The following SF3B3 variants were observed in gnomAD, a reference collection of about 807,000 sequenced individuals.
SF3B3 encodes splicing factor 3b subunit 3, also known as SAP 130.
In SF3B3, 33 loss-of-function variants were observed where a neutral mutation model predicts 139.2. That is an observed-to-expected ratio of 0.24 (90% confidence interval 0.18 to 0.32). SF3B3 has a LOEUF of 0.32. Ranked by LOEUF, SF3B3 falls within the 10% of genes least tolerant of loss-of-function variation. The pLI, the probability that SF3B3 is intolerant of heterozygous loss-of-function variation, is 1.00. For synonymous variants in SF3B3, 596 were observed against 563.6 expected (o/e 1.06, Z -0.81); for missense variants, 818 against 1,509.4 (o/e 0.54, Z 7.59).
Position 70,526,577 on chromosome 16 carries a change from G to A in SF3B3, c.-70-10G>A, listed in dbSNP as rs530975136. ...TCTCCCAGCTATTTTTCTGTTTTCT[G>A]TTTTCTTAGCTTTCTTGGACTCCGT... On this transcript the variant is annotated splice_polypyrimidine_tract_variant and intron_variant, in intron 1 of 25. Transcript: ENST00000302516. The A allele has an allele frequency of 2.0e-6, 2 of 987,392 alleles. No homozygotes were observed. Among genetic ancestry groups the A allele is most frequent in the African/African-American group, 1.6e-5 (1 of 60,876 alleles). The allele number at this position is 987,392 out of a possible 1,614,324, so 61.2% of individuals were successfully genotyped here.
chr16:70,554,242 C>G (rs1243383456), intron 11 of SF3B3: 1 of 458,658 alleles, frequency 2.2e-6, no homozygotes, highest in East Asian at 3.7e-5. Flanking sequence ...ATTGAGGAAG[C>G]AGAGTATATC....
intron 15 of SF3B3, among the ~76,000 whole-genome samples, chr16:70,558,893 G>A (rs1308721315): frequency 6.6e-6 from 1 of 152,208 alleles, no homozygotes; most frequent in East Asian, 1.9e-4. Context: ...CACCATGCCT[G>A]GTCCTGTCTC....
At position 70,571,955 on chromosome 16, in the gene SF3B3, C is replaced by A; in HGVS notation, c.*142C>A. The A allele has an allele frequency of 1.0e-6, 1 of 978,484 alleles. No homozygotes were observed. Among genetic ancestry groups the A allele is most frequent in the African/African-American group, 1.6e-5 (1 of 61,566 alleles). 60.6% of individuals were successfully genotyped at this position (978,484 alleles called of 1,614,324 possible). On this transcript the variant is annotated 3_prime_UTR_variant, in exon 26 of 26. Transcript: ENST00000302516. ...TTATGAAAGTCAACAGCTCTTTCCCCTCAGCTCTTCTCCTGGAATGACTGG... is the reference window on the plus strand; with the variant it reads ...TTATGAAAGTCAACAGCTCTTTCCCATCAGCTCTTCTCCTGGAATGACTGG...
At position 70,542,822 on chromosome 16, in the gene SF3B3, C is replaced by T. The variant is rs377377708; in HGVS notation, c.1233+988C>T. On this transcript the variant is annotated intron_variant, in intron 9 of 25. Transcript: ENST00000302516. ...CTGCAAGTTCCGCCTCCCAGGTTCA[C>T]GCCATTCTCCTGCCTTAGCCTCCCT... 9.3e-5 allele frequency among the ~76,000 whole-genome samples: 14 copies of T among 151,168 alleles called. No individual in the cohort carries two copies. The East Asian group carries it at 1.2e-3, about 13-fold the overall frequency.
intron 24 of SF3B3, among the ~76,000 whole-genome samples, 164 bp downstream of exon 24, chr16:70,570,313 C>A (rs2050515909): frequency 6.6e-6 from 1 of 150,954 alleles, no homozygotes; most frequent in African/African-American, 2.4e-5. Context: ...GATTCTCCCG[C>A]ACCCAGGGAA....
intron 3 of SF3B3, among the ~76,000 whole-genome samples, chr16:70,530,314 CTTT>C (rs559650893): frequency 1.3e-4 from 17 of 125,990 alleles, no homozygotes; most frequent in African/African-American, 5.1e-4. Flanking sequence ...ATTGTCTATT[CTTT>C]TTTTTTTTTT....
At chr16:70,542,370 T>A (rs556496195) in intron 9 of SF3B3, among the ~76,000 whole-genome samples, 3 of 152,242 alleles carry the variant, frequency 2.0e-5, no homozygotes, top group Non-Finnish European at 2.9e-5. Flanking sequence ...GACATTGGGA[T>A]CAGTTGGTAA....
intron 6 of SF3B3, among the ~76,000 whole-genome samples, chr16:70,536,648 C>T (rs1373438126): frequency 2.0e-5 from 3 of 150,384 alleles, no homozygotes; most frequent in East Asian, 2.0e-4. Flanking sequence ...CGTGAGCCAC[C>T]GCACCCGGCC....
intron 9 of SF3B3, among the ~76,000 whole-genome samples, chr16:70,543,718 AAAAT>A (rs2050242301): frequency 6.6e-6 from 1 of 152,158 alleles, no homozygotes; most frequent in Non-Finnish European, 1.5e-5. Flanking sequence ...AAAAAAAAAT[AAAAT>A]AAATAAAATG....
intron 15 of SF3B3, among the ~76,000 whole-genome samples, chr16:70,559,401 C>T (rs1265275663): frequency 1.3e-5 from 2 of 151,972 alleles, no homozygotes; most frequent in Non-Finnish European, 2.9e-5. Context: ...TTTAGAGTAA[C>T]ATTGGTCAGG....
chr16:70,565,325 G>C lies in SF3B3; in HGVS notation c.2670-43G>C, dbSNP rs752986776. ...GCAGGCTGGAACAGGAGCTCTCTGA[G>C]TTTTGACTAAGGCCTTACTCTTGCT... On this transcript the variant is annotated intron_variant, in intron 19 of 25. Coordinates refer to ENST00000302516, the MANE Select transcript of SF3B3 (RefSeq NM_012426.5). The C allele has an allele frequency of 4.3e-6, 7 of 1,613,472 alleles. No individual in the cohort carries two copies. In the South Asian group the frequency reaches 6.6e-5, roughly 15 times the overall value.
At chr16:70,538,041 C>T (rs918789782) in intron 6 of SF3B3, 2 of 611,716 alleles carry the variant, frequency 3.3e-6, no homozygotes, top group Non-Finnish European at 3.1e-6. Flanking sequence ...AATTTCATGT[C>T]TCTTCTCTGA....
intron 1 of SF3B3, 64 bp from the exon 2 acceptor site, chr16:70,526,523 C>G (rs1373280654): frequency 1.6e-6 from 1 of 625,926 alleles, no homozygotes; most frequent in East Asian, 2.8e-5. Context: ...CCAGAATTTC[C>G]CATACAGAAA....
chr16:70,555,553 G>A (rs1183993369), intron 13 of SF3B3, among the ~76,000 whole-genome samples: 1 of 151,778 alleles, frequency 6.6e-6, no homozygotes, highest in East Asian at 1.9e-4. Context: ...ACAGAGATGG[G>A]GAAAAGGGGT....
At chr16:70,538,023 C>G (rs1555499615) in intron 6 of SF3B3, 1 of 579,520 alleles carries the variant, frequency 1.7e-6, no homozygotes, top group East Asian at 4.2e-5. Flanking sequence ...AATGATGACT[C>G]TTTAAAAAAT....
chr16:70,565,882 C>T (rs980742167), intron 20 of SF3B3, among the ~76,000 whole-genome samples: 4 of 151,952 alleles, frequency 2.6e-5, no homozygotes, highest in South Asian at 2.1e-4. Context: ...TTTGGGAGGC[C>T]GAGGCAGGCA....
chr16:70,555,264 G>A (rs2050368434), intron 13 of SF3B3, 58 bp downstream of exon 13: 1 of 1,466,140 alleles, frequency 6.8e-7, no homozygotes. Context: ...GGAAAGATGG[G>A]CATTGTAGTC....
chr16:70,526,601 G>C lies in SF3B3; in HGVS notation c.-56G>C. 2 of 1,245,026 alleles carry C rather than the reference G, an allele frequency of 1.6e-6. No individual in the cohort carries two copies. The highest frequency in any genetic ancestry group is 1.2e-6 in the Non-Finnish European group (1 of 854,124). The allele number at this position is 1,245,026 out of a possible 1,614,324, so 77.1% of individuals were successfully genotyped here. The stretch of plus-strand genomic sequence containing the variant: ...TGTTTTCTTAGCTTTCTTGGACTCC[G>C]TACTGTTGGTGTAACCAAGGCCTGG... On this transcript the variant is annotated 5_prime_UTR_variant, in exon 2 of 26. Coordinates refer to ENST00000302516, the MANE Select transcript of SF3B3 (RefSeq NM_012426.5).
intron 9 of SF3B3, among the ~76,000 whole-genome samples, chr16:70,543,943 T>A (rs2050244952): frequency 6.6e-6 from 1 of 152,018 alleles, no homozygotes; most frequent in African/African-American, 2.4e-5. Context: ...AGCCTCAGCC[T>A]CCTGGGCTGA....
Sources: gnomAD v4.1 joint callset for allele counts (sites outside exome capture counted in the v4.1 genomes callset) on GRCh38, gnomAD v4.1.1 for gene constraint, MANE v1.5 for transcripts, NCBI Gene and HGNC (gene_info 2026-07-23, HGNC 2026-07-21) for gene names.